The following TNS1 variants were observed in gnomAD, a reference collection of about 807,000 sequenced individuals.
The protein encoded by TNS1 is tensin-1.
A neutral mutation model predicts 168.6 loss-of-function variants in TNS1; 62 were observed. That is an observed-to-expected ratio of 0.37 (90% confidence interval 0.30 to 0.45). The LOEUF (loss-of-function observed/expected upper bound fraction) is 0.45, where lower values mean the gene tolerates loss of function less well. Ranked by LOEUF, TNS1 falls within the 20% of genes least tolerant of loss-of-function variation. TNS1 has a pLI of 1.00. For synonymous variants in TNS1, 934 were observed against 933.2 expected (o/e 1.00, Z -0.02); for missense variants, 2,240 against 2,339.4 (o/e 0.96, Z 0.88).
intron 9 of TNS1, 42 bp downstream of exon 9, chr2:217,894,964 T>G (rs1170297181): frequency 1.3e-6 from 2 of 1,584,844 alleles, no homozygotes; most frequent in South Asian, 2.3e-5. Context: ...AGTCCATCTG[T>G]TCTCCTTCTC....
At chr2:217,871,753 GCC>G (rs2125596207) in intron 18 of TNS1, among the ~76,000 whole-genome samples, 1 of 152,374 alleles carries the variant, frequency 6.6e-6, no homozygotes, top group South Asian at 2.1e-4. Flanking sequence ...TCCGGCCTGG[GCC>G]CCAGGAGATG....
Position 217,895,165 on chromosome 2 carries a change from C to A in TNS1, c.544-109G>T, listed in dbSNP as rs1952155267. On this transcript the variant is annotated intron_variant, in intron 8 of 32. Coordinates refer to ENST00000682258, the MANE Select transcript of TNS1 (RefSeq NM_001387777.1). Reference sequence around the variant, plus strand: ...CCAGAAAGGACCGTGGCATCATTGCCAACTTCCTCTGAAGAGCCCACGACA... The same window carrying A: ...CCAGAAAGGACCGTGGCATCATTGCAAACTTCCTCTGAAGAGCCCACGACA... 7.1e-6 allele frequency: 8 copies of A among 1,127,786 alleles called. No homozygotes were observed. In the South Asian group the frequency reaches 1.1e-4, roughly 15 times the overall value. The allele number at this position is 1,127,786 out of a possible 1,614,324, so 69.9% of individuals were successfully genotyped here.
At chr2:217,901,000 G>T (rs960849272) in intron 6 of TNS1, among the ~76,000 whole-genome samples, 2 of 152,146 alleles carry the variant, frequency 1.3e-5, no homozygotes, top group Non-Finnish European at 2.9e-5. Context: ...TGAGTTTAGA[G>T]ACCAGAACAG....
chr2:217,821,772 G>A lies in TNS1; in HGVS notation c.3540C>T (p.Leu1180=), dbSNP rs145059563. ...CACTGAGGATGGGGCTGCTGGTGGAGAGGGGGCTGGGGGAGACAAAGGAGC... is the reference window on the plus strand; with the variant it reads ...CACTGAGGATGGGGCTGCTGGTGGAAAGGGGGCTGGGGGAGACAAAGGAGC... ...LGGSFVSPSP[L]STSSPILSAD... is the part of the protein sequence containing the mutation. The change falls in exon 23 of 33, where the codon CTC becomes CTT. Residue 1180 remains leucine, a synonymous_variant. Transcript: ENST00000682258. 5 of 1,508,456 alleles carry A rather than the reference G, an allele frequency of 3.3e-6. No individual in the cohort carries two copies. The African/African-American group carries it at 5.7e-5, about 17-fold the overall frequency. The allele number at this position is 1,508,456 out of a possible 1,614,324, so 93.4% of individuals were successfully genotyped here.
intron 1 of TNS1, among the ~76,000 whole-genome samples, chr2:218,022,415 C>T (rs561016190): frequency 6.6e-6 from 1 of 152,304 alleles, no homozygotes; most frequent in African/African-American, 2.4e-5. Flanking sequence ...ATCCCTGAAT[C>T]CTTTCAAGAC....
Position 217,852,410 on chromosome 2 carries a change from T to C in TNS1, c.1430-3323A>G, listed in dbSNP as rs977257247. On this transcript the variant is annotated intron_variant, in intron 18 of 32. Coordinates refer to ENST00000682258, the MANE Select transcript of TNS1 (RefSeq NM_001387777.1). ...GGCCAGTGATCCCCTCCATCCTTTG[T>C]GCCTCCTCATCCCCCACGTTCATGC... Among the ~76,000 whole-genome samples the C allele has an allele frequency of 2.0e-5, 3 of 152,330 alleles. No homozygotes were observed. The East Asian group carries it at 5.8e-4, about 29-fold the overall frequency.
chr2:217,883,739 G>C (rs1463933695), intron 16 of TNS1, among the ~76,000 whole-genome samples: 1 of 152,104 alleles, frequency 6.6e-6, no homozygotes, highest in Admixed American at 6.6e-5. Flanking sequence ...ATTCTGTACT[G>C]TAATTATGAT....
chr2:218,002,169 G>T (rs1958577327), intron 1 of TNS1, among the ~76,000 whole-genome samples: 1 of 152,058 alleles, frequency 6.6e-6, no homozygotes, highest in Non-Finnish European at 1.5e-5. Flanking sequence ...CTCTCTGCTG[G>T]CCCCCCTGGC....
chr2:217,964,692 TCCAACCACATGTGA>T (rs1269396600), intron 3 of TNS1, among the ~76,000 whole-genome samples: 1 of 152,140 alleles, frequency 6.6e-6, no homozygotes, highest in East Asian at 1.9e-4. Context: ...CTGCTGCTCC[TCCAACCACATGTGA>T]CCCACGAGTG....
chr2:217,945,641 A>T (rs1957085573), intron 3 of TNS1, among the ~76,000 whole-genome samples: 1 of 152,208 alleles, frequency 6.6e-6, no homozygotes, highest in South Asian at 2.1e-4. Flanking sequence ...GAGAGTGTGG[A>T]TGCTGTCCAC....
intron 22 of TNS1, chr2:217,830,487 C>T: frequency 1.4e-6 from 2 of 1,428,680 alleles, no homozygotes; most frequent in East Asian, 4.7e-5. Context: ...CCCACATGGC[C>T]ACCAAGGGCC....
rs1218278604 is a variant in TNS1, at chr2:217,881,964, AG to A, written c.1312+381del. ...GAGGCTTCAAGGTTATTATTAAACC[AG>A]CCTTCAGGTTGAATCACCTCAGTTC... On this transcript the variant is annotated intron_variant, in intron 17 of 32. Transcript: ENST00000682258. 2.3e-5 allele frequency: 4 copies of A among 172,376 alleles called. No homozygotes were observed. In the Admixed American group the frequency reaches 2.5e-4, roughly 11 times the overall value. 10.7% of individuals were successfully genotyped at this position (172,376 alleles called of 1,614,324 possible).
rs57846949 is a variant in TNS1 at position 217,805,884 on chromosome 2, CCACA to C, written c.5376-1285_5376-1282del. ...CACGCAAACACAACATATACACACA[CCACA>C]CACACACACACACACACACACATAA... On this transcript the variant is annotated intron_variant, in intron 32 of 32. Transcript: ENST00000682258. Among the ~76,000 whole-genome samples, 642 of 147,262 alleles carry C rather than the reference CCACA, an allele frequency of 4.4e-3. 7 individuals are homozygous for C. Among genetic ancestry groups the C allele is most frequent in the African/African-American group, 0.015 (593 of 39,784 alleles).
chr2:217,943,291 T>C (rs1957006346), intron 3 of TNS1, among the ~76,000 whole-genome samples: 1 of 151,958 alleles, frequency 6.6e-6, no homozygotes, highest in East Asian at 1.9e-4. Flanking sequence ...ACCCTAACCT[T>C]GCCAGGCCTG....
chr2:217,902,474 G>A (rs1398833526), intron 6 of TNS1, among the ~76,000 whole-genome samples: 1 of 152,168 alleles, frequency 6.6e-6, no homozygotes, highest in Non-Finnish European at 1.5e-5. Context: ...GGCTTGGCAG[G>A]GGGAACTGGG....
At position 217,973,784 on chromosome 2, in the gene TNS1, G is replaced by A. The variant is rs552343767; in HGVS notation, c.186+4981C>T. Among the ~76,000 whole-genome samples, 4 of 152,322 alleles carry A rather than the reference G, an allele frequency of 2.6e-5. No individual in the cohort carries two copies. In the East Asian group the frequency reaches 7.7e-4, roughly 29 times the overall value. The stretch of plus-strand genomic sequence containing the variant: ...CACCTCACAGAACTGCAAAGACGAG[G>A]GAAAACATGTTGTAGATTACAAAGT... On this transcript the variant is annotated intron_variant, in intron 3 of 32. Coordinates refer to ENST00000682258, the MANE Select transcript of TNS1 (RefSeq NM_001387777.1).
At chr2:217,860,643 C>A (rs748894638) in intron 18 of TNS1, among the ~76,000 whole-genome samples, 1 of 152,176 alleles carries the variant, frequency 6.6e-6, no homozygotes, top group Non-Finnish European at 1.5e-5. Context: ...ATTTGTCCAT[C>A]TGAATATCAT....
Position 218,032,121 on chromosome 2 carries a change from T to C in TNS1, c.156+1699A>G, listed in dbSNP as rs146878218. On this transcript the variant is annotated intron_variant, in intron 1 of 1. Transcript: ENST00000649572. This position sits in a 1 kb window ranked among gnomAD's most constrained non-coding sequence, Gnocchi z 4.0. ...TGTGGGACCATAGGAGGGCTCAGGG[T>C]GTAGGGCAGTTGTGGGACCTAGAGA... Among the ~76,000 whole-genome samples, 276 of 152,146 alleles carry C rather than the reference T, an allele frequency of 1.8e-3. 8 individuals carry two copies. The East Asian group carries it at 0.042, about 23-fold the overall frequency.
upstream of TNS1, among the ~76,000 whole-genome samples, chr2:218,013,300 G>A (rs956965182): frequency 6.7e-6 from 1 of 150,324 alleles, no homozygotes; most frequent in African/African-American, 2.4e-5. Context: ...CCTGGTAGGT[G>A]CTCAGTCCGT....
Sources: allele counts gnomAD v4.1 joint callset (sites outside exome capture counted in the v4.1 genomes callset), GRCh38; gene constraint gnomAD v4.1.1; non-coding constraint Gnocchi (gnomAD v3.1); transcripts MANE v1.5; gene names NCBI Gene and HGNC (gene_info 2026-07-23, HGNC 2026-07-21).